FCHO2: variants seen among roughly 807,000 people sequenced by gnomAD.
FCHO2 encodes the protein FCH and mu domain containing endocytic adaptor 2, also known as F-BAR domain only protein 2.
Under a neutral mutation model 114.1 loss-of-function variants are expected in FCHO2, and 43 were observed. The observed-to-expected ratio is 0.38, with a 90% confidence interval of 0.30 to 0.49. The LOEUF is 0.49. Among genes scored for constraint, FCHO2 ranks in the 20% least tolerant of loss-of-function variants. FCHO2 has a pLI of 0.97. For synonymous variants in FCHO2, 293 were observed against 315.2 expected, an observed-to-expected ratio of 0.93 and a Z score of 0.75; for missense variants, 807 against 950.4, an observed-to-expected ratio of 0.85 and a Z score of 1.98.
intron 2 of FCHO2, among the ~76,000 whole-genome samples, chr5:72,975,484 G>A (rs1409317094): frequency 1.3e-5 from 2 of 151,974 alleles, no homozygotes; most frequent in Admixed American, 1.3e-4. Flanking sequence ...GCGCCATCAT[G>A]TTCGGCTGAT....
intron 8 of FCHO2, among the ~76,000 whole-genome samples, chr5:73,033,391 G>A (rs1216492857): frequency 6.6e-6 from 1 of 152,018 alleles, no homozygotes; most frequent in African/African-American, 2.4e-5. Context: ...TTAGGTTTAG[G>A]GGGAGGGAGA....
At chr5:72,976,571 T>G (rs1752895396) in intron 2 of FCHO2, among the ~76,000 whole-genome samples, 1 of 152,118 alleles carries the variant, frequency 6.6e-6, no homozygotes, top group Non-Finnish European at 1.5e-5. Context: ...TCTGTTAAGG[T>G]CTTTGGCTCA....
intron 5 of FCHO2, among the ~76,000 whole-genome samples, chr5:73,001,221 A>G (rs1754414779): frequency 6.6e-6 from 1 of 151,888 alleles, no homozygotes; most frequent in African/African-American, 2.4e-5. Flanking sequence ...ACGTAGGGAG[A>G]CCCCATCTCT....
At chr5:73,024,423 T>A (rs1261013546) in intron 8 of FCHO2, among the ~76,000 whole-genome samples, 1 of 151,652 alleles carries the variant, frequency 6.6e-6, no homozygotes, top group Non-Finnish European at 1.5e-5. Context: ...TTACTAGCAG[T>A]GAGACTTTTT....
chr5:73,003,311 C>T (rs1754544117), intron 5 of FCHO2, among the ~76,000 whole-genome samples: 1 of 152,074 alleles, frequency 6.6e-6, no homozygotes, highest in Admixed American at 6.6e-5. Context: ...CTGCACCTGG[C>T]TTATTTTTTA....
chr5:73,081,241 C>A (rs192663328), intron 22 of FCHO2, among the ~76,000 whole-genome samples: 1 of 152,256 alleles, frequency 6.6e-6, no homozygotes, highest in East Asian at 1.9e-4. Context: ...GAGTAGGTCT[C>A]CTTAAAAAGG....
intron 5 of FCHO2, among the ~76,000 whole-genome samples, chr5:72,995,668 GAATT>G (rs1321970026): frequency 6.6e-6 from 1 of 152,110 alleles, no homozygotes; most frequent in Admixed American, 6.5e-5. Flanking sequence ...GGAGTCTGCC[GAATT>G]CTCAGAAGGT....
At chr5:72,992,134 T>C (rs2112672948) in intron 5 of FCHO2, among the ~76,000 whole-genome samples, 1 of 152,140 alleles carries the variant, frequency 6.6e-6, no homozygotes. Context: ...GAAGAGAATG[T>C]GGAAAAATGA....
intron 8 of FCHO2, among the ~76,000 whole-genome samples, chr5:73,032,068 A>G (rs553578186): frequency 3.3e-4 from 51 of 152,332 alleles, no homozygotes; most frequent in African/African-American, 1.2e-3. Flanking sequence ...CCACTTGTGA[A>G]ACAGTTCAGA....
chr5:72,968,632 G>C, intron 2 of FCHO2, 43 bp downstream of exon 2: 1 of 1,325,500 alleles, frequency 7.5e-7, no homozygotes, highest in African/African-American at 1.5e-5. Flanking sequence ...CAACTTAATA[G>C]CAATTTAAAT....
chr5:73,005,654 GCTTCAAC>G (rs1325117631), intron 5 of FCHO2, among the ~76,000 whole-genome samples: 1 of 152,048 alleles, frequency 6.6e-6, no homozygotes, highest in East Asian at 1.9e-4. Flanking sequence ...CTGTGTATCT[GCTTCAAC>G]CTACAAACTA....
intron 23 of FCHO2, among the ~76,000 whole-genome samples, chr5:73,082,434 G>A (rs1459096735): frequency 6.6e-6 from 1 of 151,944 alleles, no homozygotes; most frequent in Non-Finnish European, 1.5e-5. Context: ...GACTCTAACC[G>A]CTCTTTATAG....
intron 2 of FCHO2, among the ~76,000 whole-genome samples, chr5:72,976,299 G>A (rs372780962): frequency 2.9e-4 from 44 of 151,960 alleles, no homozygotes; most frequent in African/African-American, 9.9e-4. Context: ...GGCTAGTCTC[G>A]AACTCCTGGC....
chr5:73,011,639 G>C (rs1755019148), intron 6 of FCHO2, among the ~76,000 whole-genome samples: 1 of 152,078 alleles, frequency 6.6e-6, no homozygotes. Flanking sequence ...GGCTGGACTT[G>C]GTGGCTCACA....
At chr5:73,079,193 G>A (rs1481289251) in intron 22 of FCHO2, among the ~76,000 whole-genome samples, 6 of 152,236 alleles carry the variant, frequency 3.9e-5, no homozygotes, top group African/African-American at 1.2e-4. Flanking sequence ...TCAAACTCCT[G>A]GGCTCAAGCA....
intron 18 of FCHO2, among the ~76,000 whole-genome samples, chr5:73,066,575 C>CTTTTTTTTTTTTTTTTT (rs3054234): frequency 9.9e-6 from 1 of 101,424 alleles, no homozygotes; most frequent in Admixed American, 1.2e-4. Flanking sequence ...AGTGCCTTTT[C>CTTTTTTTTTTTTTTTTT]TTTTTTTTTT....
chr5:73,014,148 AG>A (rs879614461), intron 6 of FCHO2, among the ~76,000 whole-genome samples: 6 of 152,262 alleles, frequency 3.9e-5, no homozygotes, highest in Admixed American at 6.5e-5. Context: ...AAGTTTGAAA[AG>A]GTTCTCCAGG....
intron 8 of FCHO2, among the ~76,000 whole-genome samples, chr5:73,026,941 C>G (rs1343498591): frequency 1.3e-5 from 2 of 151,818 alleles, no homozygotes; most frequent in African/African-American, 4.8e-5. Flanking sequence ...GTCCACCTGC[C>G]TCAGCCTCCC....
At chr5:73,047,953 C>T (rs1010082318) in intron 11 of FCHO2, among the ~76,000 whole-genome samples, 1 of 152,130 alleles carries the variant, frequency 6.6e-6, no homozygotes, top group African/African-American at 2.4e-5. Flanking sequence ...CCTCCCACCT[C>T]AGCTCCCTAG....
Sources: allele counts gnomAD v4.1 joint callset (sites outside exome capture counted in the v4.1 genomes callset), GRCh38; gene constraint gnomAD v4.1.1; transcripts MANE v1.5; gene names NCBI Gene and HGNC (gene_info 2026-07-23, HGNC 2026-07-21).